NDUFB5: variants seen among roughly 807,000 people sequenced by gnomAD.
The protein encoded by NDUFB5 is NADH:ubiquinone oxidoreductase subunit B5.
Under a neutral mutation model 19.4 loss-of-function variants are expected in NDUFB5, and 19 were observed. The ratio of observed to expected loss-of-function variants is 0.98; its 90% CI spans 0.68 to 1.43. The LOEUF is 1.43. Ranked by LOEUF, NDUFB5 falls within the 40% of genes most tolerant of loss-of-function variation. NDUFB5 has a pLI of 0.00. For synonymous variants in NDUFB5, 80 were observed against 82.6 expected (o/e 0.97, Z 0.17); for missense variants, 233 against 236.5 (o/e 0.99, Z 0.10).
chr3:179,616,752 G>A (rs1719389033), intron 3 of NDUFB5, among the ~76,000 whole-genome samples: 2 of 152,062 alleles, frequency 1.3e-5, no homozygotes, highest in Admixed American at 6.5e-5. Flanking sequence ...AGAAACTCAT[G>A]GAATACCTAT....
chr3:179,613,737 T>TA (rs1297501223), intron 1 of NDUFB5, among the ~76,000 whole-genome samples: 1 of 152,168 alleles, frequency 6.6e-6, no homozygotes, highest in East Asian at 1.9e-4. Flanking sequence ...CCTCCCAAAC[T>TA]CACTGCAAGC....
chr3:179,615,861 C>A, intron 2 of NDUFB5, 122 bp from the exon 3 acceptor site: 1 of 740,318 alleles, frequency 1.4e-6, no homozygotes, highest in Non-Finnish European at 2.3e-6. Flanking sequence ...TAATTTGGTA[C>A]TGTATGCCCA....
chr3:179,618,039 G>T (rs1214555550), intron 4 of NDUFB5, among the ~76,000 whole-genome samples: 1 of 152,152 alleles, frequency 6.6e-6, no homozygotes, highest in African/African-American at 2.4e-5. Flanking sequence ...CACTTAGTTT[G>T]TTTATGCTAA....
chr3:179,610,317 C>T (rs1208509546), intron 1 of NDUFB5, among the ~76,000 whole-genome samples: 2 of 152,112 alleles, frequency 1.3e-5, no homozygotes, highest in South Asian at 2.1e-4. Context: ...TAGTTTCAAA[C>T]TCCTGGGCTC....
At chr3:179,620,816 A>G (rs929881725) in intron 5 of NDUFB5, among the ~76,000 whole-genome samples, 1 of 152,160 alleles carries the variant, frequency 6.6e-6, no homozygotes, top group Non-Finnish European at 1.5e-5. Context: ...AAATTTCTGG[A>G]AGTGGCATTA....
At chr3:179,612,204 T>C (rs1719260237) in intron 1 of NDUFB5, among the ~76,000 whole-genome samples, 2 of 151,660 alleles carry the variant, frequency 1.3e-5, no homozygotes, top group African/African-American at 4.8e-5. Flanking sequence ...TAAAGGCAAG[T>C]TGGTTGTGGT....
intron 1 of NDUFB5, among the ~76,000 whole-genome samples, chr3:179,609,539 G>A (rs146441908): frequency 1.1e-4 from 16 of 152,286 alleles, no homozygotes; most frequent in African/African-American, 3.9e-4. Flanking sequence ...TTGTGCCTGT[G>A]GGTTGCCTGT....
At chr3:179,606,892 C>A (rs896822143) in intron 1 of NDUFB5, among the ~76,000 whole-genome samples, 5 of 152,162 alleles carry the variant, frequency 3.3e-5, no homozygotes, top group Admixed American at 6.5e-5. Context: ...TGCAAAGAAC[C>A]AGTGGTATTT....
intron 2 of NDUFB5, 160 bp downstream of exon 2, chr3:179,615,219 T>G (rs942038223): frequency 7.0e-6 from 3 of 427,204 alleles, no homozygotes; most frequent in Non-Finnish European, 1.3e-5. Flanking sequence ...GATTTGTTAT[T>G]GAATTTCTCT....
At chr3:179,612,286 C>G (rs1285705185) in intron 1 of NDUFB5, among the ~76,000 whole-genome samples, 1 of 149,202 alleles carries the variant, frequency 6.7e-6, no homozygotes, top group Non-Finnish European at 1.5e-5. Flanking sequence ...GAGTTTGAGA[C>G]CAGCTTGAGT....
At position 179,624,324 on chromosome 3, in the gene NDUFB5, A is replaced by T. The variant is rs938138627; in HGVS notation, c.*284A>T. 7 of 254,488 alleles carry T rather than the reference A, an allele frequency of 2.8e-5. No homozygotes were observed. Among genetic ancestry groups the T allele is most frequent in the Middle Eastern group, 1.4e-3 (1 of 724 alleles). 15.8% of individuals were successfully genotyped at this position (254,488 alleles called of 1,614,324 possible). On this transcript the variant is annotated 3_prime_UTR_variant, in exon 6 of 6. Transcript: ENST00000259037. Reference sequence around the variant, plus strand: ...TATTTACCTGACAAATGGAAGTTATAGAAGTCTAATAATGTTAAGCACCAG... The same window carrying T: ...TATTTACCTGACAAATGGAAGTTATTGAAGTCTAATAATGTTAAGCACCAG...
At chr3:179,618,291 T>C in intron 4 of NDUFB5, 124 bp from the exon 5 acceptor site, 1 of 577,368 alleles carries the variant, frequency 1.7e-6, no homozygotes, top group Admixed American at 3.6e-5. Flanking sequence ...TATATAGGTA[T>C]ATTAGTTACA....
chr3:179,615,170 A>T (rs558890617), intron 2 of NDUFB5, 111 bp downstream of exon 2: 26 of 548,506 alleles, frequency 4.7e-5, no homozygotes, highest in Admixed American at 1.9e-4. Context: ...TTGTAAATTT[A>T]TATTTCTTTC....
At chr3:179,611,847 G>T (rs977230746) in intron 1 of NDUFB5, among the ~76,000 whole-genome samples, 1 of 151,882 alleles carries the variant, frequency 6.6e-6, no homozygotes, top group Non-Finnish European at 1.5e-5. Context: ...TTGGGCCTAT[G>T]AAATTAATAA....
intron 1 of NDUFB5, among the ~76,000 whole-genome samples, chr3:179,610,129 G>A (rs567158774): frequency 3.3e-5 from 5 of 152,026 alleles, no homozygotes; most frequent in Non-Finnish European, 5.9e-5. Flanking sequence ...ATCTTGCTCT[G>A]TCACCCAGGC....
In NDUFB5 at chr3:179,616,545, C is replaced by T. The variant is rs552769723; in HGVS notation, c.281-438C>T. Among the ~76,000 whole-genome samples, 14 of 151,566 alleles carry T rather than the reference C, an allele frequency of 9.2e-5. 1 individual carries two copies. In the South Asian group the frequency reaches 1.3e-3, roughly 14 times the overall value. On this transcript the variant is annotated intron_variant, in intron 3 of 5. Transcript: ENST00000259037. ...CAACAGAGTGAGACTCTGTCCCCCCCCCAAAAAAAAACTATAATCCTCTTA... is the reference window on the plus strand; with the variant it reads ...CAACAGAGTGAGACTCTGTCCCCCCTCCAAAAAAAAACTATAATCCTCTTA...
Position 179,627,336 on chromosome 3 carries a change from T to G in NDUFB5, c.*3296T>G, listed in dbSNP as rs975635207. ...TGTTTTTCTGGTGGCTAGTGAGTGT[T>G]AGCTCTCCTCCCTTCCCAGGCATTG... On this transcript the variant is annotated 3_prime_UTR_variant, in exon 6 of 6. Transcript: ENST00000259037. 6.6e-6 allele frequency: 1 copy of G among 152,222 alleles called. No individual in the cohort carries two copies. Among genetic ancestry groups the G allele is most frequent in the African/African-American group, 2.4e-5 (1 of 41,464 alleles). The allele number at this position is 152,222 out of a possible 1,614,324, so 9.4% of individuals were successfully genotyped here.
chr3:179,606,021 A>C (rs1019141191), intron 1 of NDUFB5, among the ~76,000 whole-genome samples: 2 of 152,028 alleles, frequency 1.3e-5, no homozygotes, highest in African/African-American at 4.8e-5. Flanking sequence ...CGAACTCCTC[A>C]CCTCAAATGA....
intron 4 of NDUFB5, 119 bp downstream of exon 4, chr3:179,617,163 C>T (rs531112175): frequency 2.9e-6 from 2 of 700,122 alleles, no homozygotes; most frequent in Non-Finnish European, 4.6e-6. Flanking sequence ...TTTGAGACAG[C>T]ATCTCGCTCT....
Sources: gnomAD v4.1 joint callset for allele counts (sites outside exome capture counted in the v4.1 genomes callset) on GRCh38, gnomAD v4.1.1 for gene constraint, MANE v1.5 for transcripts, NCBI Gene and HGNC (gene_info 2026-07-23, HGNC 2026-07-21) for gene names.